Variants in CERS6 observed in about 807,000 individuals in gnomAD.
CERS6 encodes ceramide synthase 6.
In CERS6, 26 loss-of-function variants were observed where a neutral mutation model predicts 56.8. The ratio of observed to expected loss-of-function variants is 0.46; its 90% confidence interval spans 0.34 to 0.63. CERS6 has a LOEUF of 0.63. Among genes scored for constraint, CERS6 ranks in the 30% least tolerant of loss-of-function variants. The probability of loss-of-function intolerance (pLI) is 0.01; values close to 1 mark genes in which losing one functional copy is unlikely to be tolerated. For missense variants in CERS6, 415 were observed against 467.5 expected, an observed-to-expected ratio of 0.89 and a Z score of 1.04; for synonymous variants, 164 against 173.3, an observed-to-expected ratio of 0.95 and a Z score of 0.42.
intron 1 of CERS6, among the ~76,000 whole-genome samples, chr2:168,486,306 A>G (rs920611104): frequency 3.9e-5 from 6 of 152,086 alleles, no homozygotes; most frequent in African/African-American, 1.4e-4. Context: ...TCTCTTTTGC[A>G]TAACAAAGGT....
chr2:168,470,905 A>G (rs1246842892), intron 1 of CERS6, among the ~76,000 whole-genome samples: 1 of 152,184 alleles, frequency 6.6e-6, no homozygotes, highest in African/African-American at 2.4e-5. Context: ...AGTAAACTAT[A>G]TCTTAGAGTT....
chr2:168,462,186 TTTA>T (rs1693791839), intron 1 of CERS6, among the ~76,000 whole-genome samples: 1 of 152,328 alleles, frequency 6.6e-6, no homozygotes, highest in African/African-American at 2.4e-5. Flanking sequence ...CTTTCAAAAT[TTTA>T]TTATTTTTTT....
chr2:168,535,587 A>G (rs1259412755), intron 1 of CERS6, among the ~76,000 whole-genome samples: 2 of 150,188 alleles, frequency 1.3e-5, no homozygotes, highest in African/African-American at 4.9e-5. Flanking sequence ...CACGCTTACT[A>G]TGGTTCTTTT....
chr2:168,730,549 G>C (rs959639200), intron 8 of CERS6, among the ~76,000 whole-genome samples: 4 of 152,162 alleles, frequency 2.6e-5, no homozygotes, highest in Non-Finnish European at 5.9e-5. Flanking sequence ...CTGGCATAAA[G>C]ATTTTAAATT....
intron 6 of CERS6, among the ~76,000 whole-genome samples, chr2:168,714,209 T>C (rs1253002771): frequency 6.6e-6 from 1 of 152,168 alleles, no homozygotes. Flanking sequence ...CCTAATTACC[T>C]CCCAAATACC....
chr2:168,657,402 A>G (rs923464398), intron 4 of CERS6, among the ~76,000 whole-genome samples: 2 of 152,282 alleles, frequency 1.3e-5, no homozygotes, highest in East Asian at 3.9e-4. Context: ...CCGGGGCTGC[A>G]GGTGGAGCTG....
chr2:168,606,458 T>C (rs2105268147), intron 3 of CERS6: 1 of 152,342 alleles, frequency 6.6e-6, no homozygotes, highest in East Asian at 1.9e-4. Flanking sequence ...GTTCTCTGGA[T>C]CCTTCCTGTT....
chr2:168,457,747 C>T (rs1433186146), intron 1 of CERS6, among the ~76,000 whole-genome samples: 2 of 152,116 alleles, frequency 1.3e-5, no homozygotes, highest in African/African-American at 4.8e-5. Context: ...TTTGCTGTTC[C>T]TCTTTGCCTG....
intron 4 of CERS6, among the ~76,000 whole-genome samples, chr2:168,690,120 T>C (rs935321876): frequency 6.6e-5 from 10 of 152,142 alleles, no homozygotes; most frequent in African/African-American, 2.4e-4. Flanking sequence ...TCAGCAGATA[T>C]TAGCCACCTG....
At chr2:168,573,018 G>C (rs1439550918) in intron 3 of CERS6, among the ~76,000 whole-genome samples, 1 of 152,118 alleles carries the variant, frequency 6.6e-6, no homozygotes, top group Non-Finnish European at 1.5e-5. Flanking sequence ...ACTGAGAAGA[G>C]GAAGGAGGAG....
chr2:168,520,203 ATGTT>A (rs1694952169), intron 1 of CERS6, among the ~76,000 whole-genome samples: 1 of 151,958 alleles, frequency 6.6e-6, no homozygotes, highest in African/African-American at 2.4e-5. Flanking sequence ...CATTTTTCAT[ATGTT>A]TGTTGTTGCT....
intron 4 of CERS6, among the ~76,000 whole-genome samples, chr2:168,663,349 A>G (rs902370877): frequency 6.6e-6 from 1 of 152,246 alleles, no homozygotes; most frequent in African/African-American, 2.4e-5. Context: ...ATAGGAAAAT[A>G]TAAAGGCAGT....
At chr2:168,573,222 TG>T (rs1378365258) in intron 3 of CERS6, among the ~76,000 whole-genome samples, 1 of 152,210 alleles carries the variant, frequency 6.6e-6, no homozygotes, top group Non-Finnish European at 1.5e-5. Flanking sequence ...CACTGTTTTC[TG>T]GTGCTCAGAG....
At chr2:168,689,293 A>G (rs1574162141) in intron 4 of CERS6, among the ~76,000 whole-genome samples, 1 of 152,314 alleles carries the variant, frequency 6.6e-6, no homozygotes, top group East Asian at 1.9e-4. Flanking sequence ...GGCAATAACT[A>G]ACATTTGTAC....
chr2:168,769,052 AT>A (rs199817924), intron 9 of CERS6, among the ~76,000 whole-genome samples: 13,560 of 149,722 alleles, frequency 0.091, 740 homozygotes, highest in Middle Eastern at 0.13. Flanking sequence ...CCAAATAGGA[AT>A]TTTTTTTTTT....
intron 3 of CERS6, among the ~76,000 whole-genome samples, chr2:168,630,286 T>A (rs1684684088): frequency 1.6e-5 from 2 of 127,904 alleles, no homozygotes; most frequent in African/African-American, 5.9e-5. Flanking sequence ...GAGTAAGAGT[T>A]TTTTGTAATA....
chr2:168,487,344 C>G (rs1211382425), intron 1 of CERS6, among the ~76,000 whole-genome samples: 1 of 152,206 alleles, frequency 6.6e-6, no homozygotes, highest in Admixed American at 6.5e-5. Flanking sequence ...CTTGCTTAAT[C>G]TCCTTGTCTC....
At chr2:168,734,135 C>CA (rs1212952495) in intron 8 of CERS6, among the ~76,000 whole-genome samples, 1 of 151,264 alleles carries the variant, frequency 6.6e-6, no homozygotes, top group Non-Finnish European at 1.5e-5. Context: ...CCTTCTAGTT[C>CA]AAAAAAAATG....
chr2:168,630,094 G>T (rs573508957), intron 3 of CERS6, among the ~76,000 whole-genome samples: 1 of 152,086 alleles, frequency 6.6e-6, no homozygotes, highest in Non-Finnish European at 1.5e-5. Context: ...GGGATTACAG[G>T]TGTGAGCCAA....
Sources: gnomAD v4.1 joint callset for allele counts (sites outside exome capture counted in the v4.1 genomes callset) on GRCh38, gnomAD v4.1.1 for gene constraint, MANE v1.5 for transcripts, NCBI Gene and HGNC (gene_info 2026-07-23, HGNC 2026-07-21) for gene names.